RBM27: variants seen among roughly 807,000 people sequenced by gnomAD.
RBM27 encodes RNA-binding protein 27.
A neutral mutation model predicts 135.3 loss-of-function variants in RBM27; 22 were observed. The observed-to-expected ratio is 0.16, with a 90% CI of 0.12 to 0.23. The LOEUF is 0.23. Among genes scored for constraint, RBM27 ranks in the 10% least tolerant of loss-of-function variants. The pLI, the probability that RBM27 is intolerant of heterozygous loss-of-function variation, is 1.00. For synonymous variants in RBM27, 481 were observed against 442.4 expected, an observed-to-expected ratio of 1.09 and a Z score of -1.10; for missense variants, 1,009 against 1,281.0, an observed-to-expected ratio of 0.79 and a Z score of 3.24.
At chr5:146,208,681 A>C (rs556143601) in intron 1 of RBM27, among the ~76,000 whole-genome samples, 1 of 152,184 alleles carries the variant, frequency 6.6e-6, no homozygotes, top group East Asian at 1.9e-4. Flanking sequence ...ATAACTGCTC[A>C]TTGTAAGAAT....
intron 19 of RBM27, 73 bp from the exon 20 acceptor site, chr5:146,284,549 A>G: frequency 1.0e-6 from 1 of 957,934 alleles, no homozygotes; most frequent in Non-Finnish European, 1.7e-6. Flanking sequence ...TACTTTTTAA[A>G]TAACACAGAA....
At chr5:146,205,167 G>C (rs540604598) in intron 1 of RBM27, among the ~76,000 whole-genome samples, 1 of 152,248 alleles carries the variant, frequency 6.6e-6, no homozygotes, top group Non-Finnish European at 1.5e-5. Context: ...CAAAGTGCTG[G>C]GATTACAGGC....
chr5:146,244,631 C>T (rs1316429554), intron 8 of RBM27, among the ~76,000 whole-genome samples: 1 of 150,658 alleles, frequency 6.6e-6, no homozygotes, highest in Non-Finnish European at 1.5e-5. Flanking sequence ...CTCAACCTTT[C>T]AGGCTCTGGA....
intron 1 of RBM27, among the ~76,000 whole-genome samples, chr5:146,213,985 G>C (rs1756087192): frequency 6.6e-6 from 1 of 152,094 alleles, no homozygotes; most frequent in Admixed American, 6.6e-5. Context: ...TTCTTTTGTT[G>C]ATTCTTTAAA....
chr5:146,203,834 C>G lies in RBM27; in HGVS notation c.59+10C>G. 7.0e-7 allele frequency: 1 copy of G among 1,419,774 alleles called. No individual in the cohort carries two copies. Among genetic ancestry groups the G allele is most frequent in the Non-Finnish European group, 9.4e-7 (1 of 1,064,800 alleles). The allele number at this position is 1,419,774 out of a possible 1,614,324, so 87.9% of individuals were successfully genotyped here. On this transcript the variant is annotated intron_variant, in intron 1 of 20. Coordinates refer to ENST00000265271, the MANE Select transcript of RBM27 (RefSeq NM_018989.2). ...AGTTACTGGAGCCGATGTGAGTGAG[C>G]CGGGCTGGGCCGGGGCCGGCGAACG...
At chr5:146,234,903 G>A (rs1298832043) in intron 7 of RBM27, among the ~76,000 whole-genome samples, 1 of 151,850 alleles carries the variant, frequency 6.6e-6, no homozygotes, top group Admixed American at 6.6e-5. Flanking sequence ...GCATGGTGGT[G>A]TGTACCCATA....
intron 15 of RBM27, among the ~76,000 whole-genome samples, chr5:146,268,245 CTTTTT>C (rs35589922): frequency 7.0e-6 from 1 of 142,248 alleles, no homozygotes. Flanking sequence ...TTTCTTATTT[CTTTTT>C]TTTTTTTTTG....
At chr5:146,254,875 A>G (rs576866819) in intron 9 of RBM27, 68 bp from the exon 10 acceptor site, 1 of 1,327,256 alleles carries the variant, frequency 7.5e-7, no homozygotes, top group Non-Finnish European at 1.0e-6. Flanking sequence ...TGTTTATTTT[A>G]TAACAATGAG....
At chr5:146,211,887 GAGAAA>G (rs766714053) in intron 1 of RBM27, among the ~76,000 whole-genome samples, 25 of 152,206 alleles carry the variant, frequency 1.6e-4, no homozygotes, top group Non-Finnish European at 2.5e-4. Context: ...ATAGAAAGTA[GAGAAA>G]AGAAAATTAT....
rs1200750328 is a variant in RBM27, at chr5:146,287,454, T to C, written c.*1424T>C. ...ATTAATGTACCTAGGCTGTCACTTTTTCAAGGATATACACATCTGTGTTTT... is the reference window on the plus strand; with the variant it reads ...ATTAATGTACCTAGGCTGTCACTTTCTCAAGGATATACACATCTGTGTTTT... On this transcript the variant is annotated 3_prime_UTR_variant, in exon 21 of 21. Coordinates refer to ENST00000265271, the MANE Select transcript of RBM27 (RefSeq NM_018989.2). 1 of 152,172 alleles carries C rather than the reference T, an allele frequency of 6.6e-6. No homozygotes were observed. The highest frequency in any genetic ancestry group is 2.4e-5 in the African/African-American group (1 of 41,454). The allele number at this position is 152,172 out of a possible 1,614,324, so 9.4% of individuals were successfully genotyped here.
intron 17 of RBM27, among the ~76,000 whole-genome samples, chr5:146,270,101 G>A (rs1376507477): frequency 6.6e-6 from 1 of 152,058 alleles, no homozygotes; most frequent in East Asian, 1.9e-4. Context: ...AAAAAAAGAA[G>A]CCTGGCCTAT....
intron 19 of RBM27, among the ~76,000 whole-genome samples, chr5:146,274,519 T>A (rs1759008973): frequency 6.6e-6 from 1 of 152,174 alleles, no homozygotes; most frequent in African/African-American, 2.4e-5. Flanking sequence ...GCCGGCCGCG[T>A]TGGCCTCCCA....
intron 14 of RBM27, 102 bp downstream of exon 14, chr5:146,263,733 C>T: frequency 7.6e-7 from 1 of 1,319,906 alleles, no homozygotes; most frequent in South Asian, 1.4e-5. Context: ...TGACAGTTAA[C>T]CTAAGTGTGG....
chr5:146,276,842 C>T (rs1561568666), intron 19 of RBM27, among the ~76,000 whole-genome samples: 2 of 152,064 alleles, frequency 1.3e-5, no homozygotes, highest in Non-Finnish European at 2.9e-5. Flanking sequence ...ATTGCTTGAG[C>T]CCAGAAGTTC....
chr5:146,233,417 A>C (rs761336343), intron 6 of RBM27, 33 bp from the exon 7 acceptor site: 1 of 1,501,378 alleles, frequency 6.7e-7, no homozygotes, highest in African/African-American at 1.4e-5. Context: ...AGTAGATGAT[A>C]ATAAGATTCT....
intron 3 of RBM27, among the ~76,000 whole-genome samples, chr5:146,226,364 G>A (rs1339282121): frequency 6.6e-6 from 1 of 151,752 alleles, no homozygotes; most frequent in Non-Finnish European, 1.5e-5. Flanking sequence ...GAGAAAATTT[G>A]CATTATCTTG....
At chr5:146,250,572 C>T (rs1757840412) in intron 8 of RBM27, among the ~76,000 whole-genome samples, 1 of 151,930 alleles carries the variant, frequency 6.6e-6, no homozygotes, top group African/African-American at 2.4e-5. Flanking sequence ...AAATGGACAC[C>T]CAAAGGGATT....
At chr5:146,278,223 T>C (rs1410730684) in intron 19 of RBM27, among the ~76,000 whole-genome samples, 1 of 152,166 alleles carries the variant, frequency 6.6e-6, no homozygotes, top group Non-Finnish European at 1.5e-5. Context: ...TCGGGGAAAA[T>C]GGCTGGACTA....
chr5:146,206,966 T>C (rs1352625210), intron 1 of RBM27, among the ~76,000 whole-genome samples: 1 of 152,182 alleles, frequency 6.6e-6, no homozygotes, highest in Non-Finnish European at 1.5e-5. Flanking sequence ...ATACCACATA[T>C]ATTTTTATTC....
Sources: gnomAD v4.1 joint callset for allele counts (sites outside exome capture counted in the v4.1 genomes callset) on GRCh38, gnomAD v4.1.1 for gene constraint, MANE v1.5 for transcripts, NCBI Gene and HGNC (gene_info 2026-07-23, HGNC 2026-07-21) for gene names.